The following ALDH4A1 variants were observed in gnomAD, a reference collection of about 807,000 sequenced individuals.
ALDH4A1 encodes the protein delta-1-pyrroline-5-carboxylate dehydrogenase, mitochondrial.
A neutral mutation model predicts 70.5 loss-of-function variants in ALDH4A1; 46 were observed. The observed-to-expected ratio is 0.65, with a 90% CI of 0.51 to 0.83. The LOEUF is 0.83. ALDH4A1 is among the 40% of genes least tolerant of loss of function. The pLI, the probability that ALDH4A1 is intolerant of heterozygous loss-of-function variation, is 0.00. For synonymous variants in ALDH4A1, 323 were observed against 324.3 expected (o/e 1.00, Z 0.04); for missense variants, 749 against 766.5 (o/e 0.98, Z 0.27).
At chr1:18,875,691 T>A (rs115214270) in intron 12 of ALDH4A1, among the ~76,000 whole-genome samples, 188 bp from the exon 13 acceptor site, 5,271 of 152,038 alleles carry the variant, frequency 0.035, 300 homozygotes, top group African/African-American at 0.12. Context: ...CGTGCCCAGC[T>A]CCCTGTCCTG....
Position 18,889,362 on chromosome 1 carries a change from C to A in ALDH4A1, c.249G>T (p.Ser83=). The A allele has an allele frequency of 6.4e-7, 1 of 1,551,864 alleles. No individual in the cohort carries two copies. The highest frequency in any genetic ancestry group is 8.7e-7 in the Non-Finnish European group (1 of 1,147,052). The part of the protein sequence containing the change: ...VWTSDVQYQV[S]PFNHGHKVAK... ...AGCTCTGCCCACCCGCTGGACATAC[C>A]GACACTTGGTACTGCACGTCCGACG... The change falls in exon 3 of 15, where the codon TCG becomes TCT. Residue 83 remains serine (S), a splice_region_variant and synonymous_variant. Transcript: ENST00000375341.
At chr1:18,876,883 G>A (rs1934716078) in intron 11 of ALDH4A1, among the ~76,000 whole-genome samples, 1 of 152,182 alleles carries the variant, frequency 6.6e-6, no homozygotes, top group South Asian at 2.1e-4. Context: ...ATATGTACGT[G>A]TTTATATGGA....
chr1:18,872,656 C>T lies in ALDH4A1; in HGVS notation c.*189G>A, dbSNP rs11484737. On this transcript the variant is annotated 3_prime_UTR_variant, in exon 15 of 15. Coordinates refer to ENST00000375341, the MANE Select transcript of ALDH4A1 (RefSeq NM_003748.4). ...AAGGGGTAGTGGCCATGTTCCTCCC[C>T]AGCACGATCTCAAACCAGAGCCTGA... 321 of 579,272 alleles carry T rather than the reference C, an allele frequency of 5.5e-4. 2 individuals carry two copies. Among genetic ancestry groups the T allele is most frequent in the African/African-American group, 4.9e-3 (263 of 53,514 alleles). 35.9% of individuals were successfully genotyped at this position (579,272 alleles called of 1,614,324 possible). A position where few individuals can be genotyped will look rare whatever the true frequency, so the allele number is the denominator to read the frequency against.
chr1:18,893,034 A>G (rs1224710965), intron 1 of ALDH4A1, among the ~76,000 whole-genome samples: 1 of 152,162 alleles, frequency 6.6e-6, no homozygotes, highest in Non-Finnish European at 1.5e-5. Flanking sequence ...AGGCCTCAAC[A>G]GCACCACACC....
chr1:18,874,244 T>A (rs1259094233), intron 14 of ALDH4A1, among the ~76,000 whole-genome samples: 2 of 152,244 alleles, frequency 1.3e-5, no homozygotes, highest in African/African-American at 4.8e-5. Flanking sequence ...ACCAGGGTCA[T>A]GTGGCCTTGA....
At chr1:18,875,322 G>C in intron 13 of ALDH4A1, 60 bp downstream of exon 13, 11 of 1,612,680 alleles carry the variant, frequency 6.8e-6, no homozygotes, top group Non-Finnish European at 9.3e-6. Context: ...AGGAGGTGGG[G>C]ATGGGGACAC....
At chr1:18,883,837 A>C (rs1469603171) in intron 5 of ALDH4A1, among the ~76,000 whole-genome samples, 4 of 152,220 alleles carry the variant, frequency 2.6e-5, no homozygotes, top group African/African-American at 9.6e-5. Flanking sequence ...GTCACTGGAA[A>C]ACCAGGAGAG....
chr1:18,890,919 G>T, intron 1 of ALDH4A1: 1 of 984,076 alleles, frequency 1.0e-6, no homozygotes, highest in Non-Finnish European at 1.2e-6. Flanking sequence ...GGCTGGGCAG[G>T]AATGTCCAAG....
At position 18,883,291 on chromosome 1, in the gene ALDH4A1, G is replaced by A; in HGVS notation, c.591C>T (p.Tyr197=). Residue 197 remains tyrosine (Y), a synonymous_variant, in exon 6 of 15, where the codon TAC becomes TAT. Coordinates refer to ENST00000375341, the MANE Select transcript of ALDH4A1 (RefSeq NM_003748.4). ...SVPPSTNSTV[Y]RGLEGFVAAI... ...CTCCTGCAGGTACCTCCAGACCCCG[G>A]TACACCGTGCTGTTGGTGCTCGGGG... The A allele has an allele frequency of 1.2e-6, 2 of 1,613,260 alleles. No individual in the cohort carries two copies. Among genetic ancestry groups the A allele is most frequent in the South Asian group, 1.1e-5 (1 of 91,084 alleles).
Position 18,877,487 on chromosome 1 carries a change from C to A in ALDH4A1, c.1066G>T (p.Val356Leu). 1 of 1,602,590 alleles carries A rather than the reference C, an allele frequency of 6.2e-7. No individual in the cohort carries two copies. The highest frequency in any genetic ancestry group is 8.5e-7 in the Non-Finnish European group (1 of 1,174,890). Residue 356 changes from valine (V) to leucine (L), a missense_variant, in exon 10 of 15, where the codon GTG becomes TTG. By Grantham distance (32) the Val-to-Leu change is conservative. Transcript: ENST00000375341. ...ATCTGCGGCCACAGCGAGTGCGGCA[C>A]GTAGAGACGCGAGCACGCGGAACAC... ...QKCSACSRLY[V>L]PHSLWPQIKG...
chr1:18,881,898 G>T lies in ALDH4A1; in HGVS notation c.679-11C>A. 1 of 1,612,172 alleles carries T rather than the reference G, an allele frequency of 6.2e-7. No homozygotes were observed. Among genetic ancestry groups the T allele is most frequent in the Non-Finnish European group, 8.5e-7 (1 of 1,179,760 alleles). On this transcript the variant is annotated splice_polypyrimidine_tract_variant and intron_variant, in intron 7 of 14. Coordinates refer to ENST00000375341, the MANE Select transcript of ALDH4A1 (RefSeq NM_003748.4). ...TAGGACCACGTTGCCCTGCCCGGGA[G>T]GTGTTTCAGTGATGCATGAGGATGG...
Position 18,886,446 on chromosome 1 carries a change from G to A in ALDH4A1, c.297+18C>T. ...AGCAACCCTAACCCCGGGTCACCAG[G>A]CACACAGGCTCACTCACCTTGTCTG... On this transcript the variant is annotated intron_variant, in intron 4 of 14. Coordinates refer to ENST00000375341, the MANE Select transcript of ALDH4A1 (RefSeq NM_003748.4). The A allele has an allele frequency of 4.3e-6, 7 of 1,613,942 alleles. No individual in the cohort carries two copies. The highest frequency in any genetic ancestry group is 5.9e-6 in the Non-Finnish European group (7 of 1,179,860).
chr1:18,879,198 C>T, intron 9 of ALDH4A1, 102 bp downstream of exon 9: 1 of 1,219,612 alleles, frequency 8.2e-7, no homozygotes, highest in Non-Finnish European at 1.2e-6. Context: ...GGTTCATCCA[C>T]CTGACTTGTG....
chr1:18,885,427 T>TCCCAACCCCCCCCCCCCCCCCCCCCCC, intron 5 of ALDH4A1, 46 bp downstream of exon 5: 1 of 650,922 alleles, frequency 1.5e-6, no homozygotes, highest in Non-Finnish European at 2.7e-6. Context: ...CACACCTGAC[T>TCCCAACCCCCCCCCCCCCCCCCCCCCC]CCCACCCCAC....
intron 1 of ALDH4A1, chr1:18,897,065 G>A (rs995141358): frequency 1.9e-6 from 1 of 534,338 alleles, no homozygotes; most frequent in African/African-American, 1.9e-5. Context: ...AGGAACGCAT[G>A]ACAAGTTGAG....
chr1:18,883,067 C>T, intron 7 of ALDH4A1, 57 bp downstream of exon 7: 1 of 1,610,600 alleles, frequency 6.2e-7, no homozygotes, highest in Non-Finnish European at 8.5e-7. Context: ...CTCTGTCTGT[C>T]TGTTGGGACC....
In ALDH4A1 at chr1:18,886,497, T is replaced by C. The variant is rs1356113494; in HGVS notation, c.264A>G (p.Gly88=). Residue 88 remains glycine (G), a synonymous_variant, in exon 4 of 15, where the codon GGA becomes GGG. Transcript: ENST00000375341. ...VQYQVSPFNH[G]HKVAKFCYAD... is the part of the protein sequence containing the mutation. ...CATAACAGAACTTGGCCACCTTATG[T>C]CCATGGTTAAAAGGCTGAAAGGAGA... 4.3e-6 allele frequency: 7 copies of C among 1,613,992 alleles called. No individual in the cohort carries two copies. The African/African-American group carries it at 9.3e-5, about 22-fold the overall frequency.
chr1:18,889,350 C>T lies in ALDH4A1; in HGVS notation c.249+12G>A, dbSNP rs1487264833. The T allele has an allele frequency of 5.8e-6, 9 of 1,551,260 alleles. No individual in the cohort carries two copies. In the East Asian group the frequency reaches 1.7e-4, roughly 29 times the overall value. On this transcript the variant is annotated intron_variant, in intron 3 of 14. Transcript: ENST00000375341. Reference sequence around the variant, plus strand: ...GGGGAGGGGCTGAGCTCTGCCCACCCGCTGGACATACCGACACTTGGTACT... The same window carrying T: ...GGGGAGGGGCTGAGCTCTGCCCACCTGCTGGACATACCGACACTTGGTACT...
chr1:18,876,614 G>C, intron 11 of ALDH4A1, 147 bp from the exon 12 acceptor site: 1 of 833,202 alleles, frequency 1.2e-6, no homozygotes, highest in Non-Finnish European at 1.8e-6. Context: ...AAGGGCAAAA[G>C]CCAGGGTCTG....
Sources: gnomAD v4.1 joint callset for allele counts (sites outside exome capture counted in the v4.1 genomes callset) on GRCh38, gnomAD v4.1.1 for gene constraint, MANE v1.5 for transcripts, NCBI Gene and HGNC (gene_info 2026-07-23, HGNC 2026-07-21) for gene names.